DAB1: variants seen among roughly 807,000 people sequenced by gnomAD.
DAB1 encodes disabled homolog 1.
DAB1 carries 15 observed loss-of-function variants against 64.6 expected under a neutral mutation model. The observed-to-expected ratio is 0.23, with a 90% CI of 0.16 to 0.36. The LOEUF (loss-of-function observed/expected upper bound fraction) is 0.36, where lower values mean the gene tolerates loss of function less well. DAB1 is among the 10% of genes least tolerant of loss of function. The probability of loss-of-function intolerance (pLI) is 1.00; values close to 1 mark genes in which losing one functional copy is unlikely to be tolerated. For missense variants in DAB1, 596 were observed against 706.7 expected (o/e 0.84, Z 1.78); for synonymous variants, 235 against 251.9 (o/e 0.93, Z 0.64).
chr1:57,189,276 C>A lies in DAB1; in HGVS notation c.68-43847G>T, dbSNP rs189596167. The stretch of plus-strand genomic sequence containing the variant: ...AAATCGTATCAATGTAGTCTTTTAT[C>A]AACATTTATCAGAGAAACCAAAGTA... On this transcript the variant is annotated intron_variant, in intron 2 of 14. Transcript: ENST00000371236. Among the ~76,000 whole-genome samples, 21 of 152,234 alleles carry A rather than the reference C, an allele frequency of 1.4e-4. 1 individual carries two copies. In the East Asian group the frequency reaches 4.1e-3, roughly 29 times the overall value.
intron 7 of DAB1, among the ~76,000 whole-genome samples, chr1:57,541,323 G>T (rs186307298): frequency 6.6e-6 from 1 of 152,154 alleles, no homozygotes; most frequent in East Asian, 1.9e-4. Flanking sequence ...TAGAGATGGG[G>T]TTTCACCGTG....
intron 5 of DAB1, among the ~76,000 whole-genome samples, chr1:57,936,066 C>T (rs1202130382): frequency 6.6e-6 from 1 of 152,194 alleles, no homozygotes; most frequent in Non-Finnish European, 1.5e-5. Flanking sequence ...AGAAAATAGG[C>T]ACATTGTTTT....
intron 6 of DAB1, among the ~76,000 whole-genome samples, chr1:57,730,645 T>A (rs1021318008): frequency 1.1e-4 from 17 of 152,192 alleles, no homozygotes; most frequent in African/African-American, 1.4e-4. Flanking sequence ...TATTGATCTT[T>A]ACTTCTCACA....
chr1:57,056,512 AAAAAAAAAG>A (rs1195440492), intron 9 of DAB1, among the ~76,000 whole-genome samples: 5 of 151,324 alleles, frequency 3.3e-5, no homozygotes, highest in South Asian at 2.1e-4. Context: ...CTCAAAAAAA[AAAAAAAAAG>A]AAAAAAAAGA....
At chr1:57,695,392 GAAA>G (rs1557427907) in intron 6 of DAB1, among the ~76,000 whole-genome samples, 5 of 79,916 alleles carry the variant, frequency 6.3e-5, no homozygotes, top group East Asian at 1.2e-3. Flanking sequence ...AAGAAAGAAA[GAAA>G]GAAAGAAAGA....
chr1:57,278,002 G>A (rs145420906), intron 2 of DAB1, among the ~76,000 whole-genome samples: 1 of 152,276 alleles, frequency 6.6e-6, no homozygotes, highest in East Asian at 1.9e-4. Flanking sequence ...ATGTGAATCT[G>A]CAATGATGAC....
At chr1:57,170,281 G>GATTACAGATTAC (rs1661621173) in intron 2 of DAB1, among the ~76,000 whole-genome samples, 1 of 152,086 alleles carries the variant, frequency 6.6e-6, no homozygotes, top group African/African-American at 2.4e-5. Context: ...TTACAGGTGT[G>GATTACAGATTAC]AGCCACCATG....
At chr1:57,196,930 A>T (rs79317454) in intron 2 of DAB1, among the ~76,000 whole-genome samples, 1 of 152,216 alleles carries the variant, frequency 6.6e-6, no homozygotes, top group African/African-American at 2.4e-5. Context: ...TTTACCATAC[A>T]TCAGGTACTT....
intron 7 of DAB1, among the ~76,000 whole-genome samples, chr1:57,522,548 C>T (rs1644540840): frequency 6.6e-6 from 1 of 152,122 alleles, no homozygotes; most frequent in Admixed American, 6.5e-5. Context: ...TTCCACAGGG[C>T]TGGGGAGGCC....
At chr1:58,546,200 G>A (rs1375463968) in intron 1 of DAB1, among the ~76,000 whole-genome samples, 1 of 152,230 alleles carries the variant, frequency 6.6e-6, no homozygotes, top group Non-Finnish European at 1.5e-5. Flanking sequence ...GCCGAGTTTA[G>A]GCTGGAAAAC....
intron 7 of DAB1, among the ~76,000 whole-genome samples, chr1:57,526,205 G>A (rs1644591627): frequency 6.6e-6 from 1 of 152,136 alleles, no homozygotes; most frequent in Admixed American, 6.5e-5. Flanking sequence ...CACAGTGCTG[G>A]CATTACAGGC....
At chr1:57,828,626 A>C (rs1038725278) in intron 1 of DAB1, among the ~76,000 whole-genome samples, 1 of 152,354 alleles carries the variant, frequency 6.6e-6, no homozygotes, top group Non-Finnish European at 1.5e-5. Flanking sequence ...GACTTGGCTA[A>C]TGTATTGAGT....
chr1:57,724,392 G>A (rs2101763576), intron 6 of DAB1, among the ~76,000 whole-genome samples: 1 of 151,996 alleles, frequency 6.6e-6, no homozygotes, highest in South Asian at 2.1e-4. Context: ...AGGGACAGAG[G>A]AAGTCCTCAG....
intron 2 of DAB1, among the ~76,000 whole-genome samples, chr1:57,185,649 ACT>A (rs1347972397): frequency 2.6e-5 from 4 of 152,138 alleles, no homozygotes; most frequent in African/African-American, 9.7e-5. Context: ...AGCACCTCAC[ACT>A]CAGCAGTATT....
At chr1:57,033,309 C>A in intron 9 of DAB1, 1 of 1,481,952 alleles carries the variant, frequency 6.7e-7, no homozygotes, top group East Asian at 2.3e-5. Context: ...GCCATTCATG[C>A]AAGCTGGATG....
At position 57,695,755 on chromosome 1, in the gene DAB1, T is replaced by A. The variant is rs929040145; in HGVS notation, n.552-46090A>T. ...TCTCTACTGAAAATACAAAAATTAG[T>A]CAGGTGTGATGGCGAGCACCTGTAA... On this transcript the variant is annotated intron_variant and non_coding_transcript_variant, in intron 6 of 20. Coordinates refer to the DAB1 transcript ENST00000485760. Among the ~76,000 whole-genome samples the A allele has an allele frequency of 5.3e-5, 8 of 151,924 alleles. No homozygotes were observed. In the South Asian group the frequency reaches 1.5e-3, roughly 28 times the overall value.
intron 5 of DAB1, among the ~76,000 whole-genome samples, chr1:57,899,654 G>C (rs1331598490): frequency 3.3e-5 from 5 of 151,746 alleles, no homozygotes; most frequent in Admixed American, 1.3e-4. Flanking sequence ...AAACAACAAG[G>C]ATTCCTTGTT....
intron 7 of DAB1, among the ~76,000 whole-genome samples, chr1:57,644,298 G>T (rs995299322): frequency 2.0e-5 from 3 of 152,174 alleles, no homozygotes. Context: ...GCTGAGAGGC[G>T]CACAAGTCCA....
chr1:58,437,662 A>T (rs1644959861), intron 3 of DAB1, among the ~76,000 whole-genome samples: 1 of 152,228 alleles, frequency 6.6e-6, no homozygotes. Flanking sequence ...ATCCTCTACT[A>T]CCTAGAACAG....
Sources: allele counts gnomAD v4.1 joint callset (sites outside exome capture counted in the v4.1 genomes callset), GRCh38; gene constraint gnomAD v4.1.1; transcripts MANE v1.5; gene names NCBI Gene and HGNC (gene_info 2026-07-23, HGNC 2026-07-21).